GINS1: variants seen among roughly 807,000 people sequenced by gnomAD.
GINS1 encodes DNA replication complex GINS protein PSF1.
Under a neutral mutation model 34.9 loss-of-function variants are expected in GINS1, and 26 were observed. That is an observed-to-expected ratio of 0.74 (90% CI 0.55 to 1.03). The LOEUF is 1.03. GINS1 is among the 50% of genes least tolerant of loss of function. The pLI is 0.00. For synonymous variants in GINS1, 97 were observed against 84.4 expected (o/e 1.15, Z -0.82); for missense variants, 235 against 237.9 (o/e 0.99, Z 0.08).
chr20:25,435,221 A>G (rs1464924081), intron 5 of GINS1, among the ~76,000 whole-genome samples: 1 of 152,152 alleles, frequency 6.6e-6, no homozygotes, highest in African/African-American at 2.4e-5. Flanking sequence ...TCTAGCCTCC[A>G]AAGTTTGTAA....
intron 5 of GINS1, among the ~76,000 whole-genome samples, chr20:25,432,963 G>A (rs558065923): frequency 4.6e-5 from 7 of 150,702 alleles, no homozygotes; most frequent in Admixed American, 4.0e-4. Context: ...GTCCATTATA[G>A]CTAATATTAG....
intron 6 of GINS1, among the ~76,000 whole-genome samples, chr20:25,442,616 T>A (rs921652465): frequency 4.8e-4 from 71 of 148,334 alleles, no homozygotes; most frequent in Admixed American, 6.0e-4. Flanking sequence ...TATTATTTTT[T>A]TTTTTTTTTG....
chr20:25,417,385 G>A (rs2090327859), intron 3 of GINS1, 183 bp downstream of exon 3: 5 of 569,814 alleles, frequency 8.8e-6, no homozygotes, highest in Non-Finnish European at 1.5e-5. Context: ...TTAAAAGTAG[G>A]GAGAATAATA....
At chr20:25,410,116 C>T (rs376704240) in intron 1 of GINS1, among the ~76,000 whole-genome samples, 5 of 151,830 alleles carry the variant, frequency 3.3e-5, no homozygotes, top group African/African-American at 1.2e-4. Flanking sequence ...CTGAGGCGGG[C>T]GGATTACAGG....
chr20:25,424,746 A>T (rs568045119), intron 4 of GINS1, among the ~76,000 whole-genome samples: 1 of 152,290 alleles, frequency 6.6e-6, no homozygotes, highest in East Asian at 1.9e-4. Context: ...TCTGTCTTTC[A>T]TGTGGTAATG....
At chr20:25,420,899 C>G (rs1381830530) in intron 4 of GINS1, 6 of 980,638 alleles carry the variant, frequency 6.1e-6, no homozygotes, top group Non-Finnish European at 7.3e-6. Context: ...CAGATAAACT[C>G]TGTAGTAGAC....
intron 5 of GINS1, among the ~76,000 whole-genome samples, chr20:25,440,148 GCAC>G (rs2090474776): frequency 6.6e-6 from 1 of 151,910 alleles, no homozygotes; most frequent in Admixed American, 6.6e-5. Flanking sequence ...TTACAGGCAC[GCAC>G]CACCACACCC....
At chr20:25,417,357 T>C (rs2090327681) in intron 3 of GINS1, 155 bp downstream of exon 3, 1 of 594,460 alleles carries the variant, frequency 1.7e-6, no homozygotes, top group African/African-American at 1.9e-5. Context: ...TTTTTTATTA[T>C]GAAAAATCAC....
At chr20:25,410,090 C>G (rs1000998283) in intron 1 of GINS1, among the ~76,000 whole-genome samples, 5 of 152,120 alleles carry the variant, frequency 3.3e-5, no homozygotes, top group African/African-American at 1.2e-4. Context: ...GCCTGTAATC[C>G]CCCCACTTTG....
intron 4 of GINS1, among the ~76,000 whole-genome samples, chr20:25,424,374 C>T (rs998551001): frequency 3.3e-5 from 5 of 152,138 alleles, no homozygotes; most frequent in African/African-American, 7.2e-5. Flanking sequence ...AGATTGTTGA[C>T]GTTATTACAA....
At chr20:25,440,284 A>G (rs1164234141) in intron 5 of GINS1, among the ~76,000 whole-genome samples, 4 of 152,046 alleles carry the variant, frequency 2.6e-5, no homozygotes, top group African/African-American at 7.2e-5. Flanking sequence ...TATAGGCATG[A>G]GCTGCCATGT....
intron 6 of GINS1, among the ~76,000 whole-genome samples, chr20:25,442,779 G>A (rs929827951): frequency 1.3e-5 from 2 of 151,248 alleles, no homozygotes; most frequent in African/African-American, 4.9e-5. Context: ...GTTAATTTTT[G>A]TAATTTTTGT....
intron 1 of GINS1, chr20:25,409,108 CAA>C (rs1470640873): frequency 1.2e-6 from 1 of 840,210 alleles, no homozygotes; most frequent in Non-Finnish European, 1.4e-6. Context: ...TGCTGCAGCA[CAA>C]AGTCACGTGG....
At chr20:25,431,321 T>A (rs1442199823) in intron 5 of GINS1, among the ~76,000 whole-genome samples, 1 of 152,162 alleles carries the variant, frequency 6.6e-6, no homozygotes, top group African/African-American at 2.4e-5. Flanking sequence ...AGCTAAAGGT[T>A]TGTAAATTTT....
At chr20:25,423,761 C>T (rs1440990933) in intron 4 of GINS1, among the ~76,000 whole-genome samples, 1 of 151,550 alleles carries the variant, frequency 6.6e-6, no homozygotes, top group East Asian at 1.9e-4. Flanking sequence ...CTACTGGCGC[C>T]CGCCACCACG....
chr20:25,420,743 C>G (rs1301532273), intron 4 of GINS1: 2 of 390,066 alleles, frequency 5.1e-6, no homozygotes, highest in African/African-American at 4.5e-5. Flanking sequence ...GATCGCACCA[C>G]TGCACTCTGG....
intron 5 of GINS1, among the ~76,000 whole-genome samples, chr20:25,439,121 C>G (rs1466567368): frequency 6.6e-6 from 1 of 152,112 alleles, no homozygotes; most frequent in Non-Finnish European, 1.5e-5. Context: ...TTTACTAAAA[C>G]CTTTCAGTAG....
chr20:25,408,938 T>G, intron 1 of GINS1: 1 of 983,348 alleles, frequency 1.0e-6, no homozygotes, highest in Non-Finnish European at 1.2e-6. Context: ...AAACAGATAA[T>G]AGAATTCACC....
chr20:25,422,991 GGT>G (rs1438267069), intron 4 of GINS1, among the ~76,000 whole-genome samples: 2 of 152,060 alleles, frequency 1.3e-5, no homozygotes, highest in South Asian at 4.1e-4. Context: ...TGGTCAGGCT[GGT>G]CTTGAACTCC....
Sources: allele counts gnomAD v4.1 joint callset (sites outside exome capture counted in the v4.1 genomes callset), GRCh38; gene constraint gnomAD v4.1.1; transcripts MANE v1.5; gene names NCBI Gene and HGNC (gene_info 2026-07-23, HGNC 2026-07-21).